The following IL18RAP variants were observed in gnomAD, a reference collection of about 807,000 sequenced individuals.
The protein encoded by IL18RAP is interleukin-18 receptor accessory protein.
IL18RAP carries 37 observed loss-of-function variants against 58.1 expected under a neutral mutation model. That is an observed-to-expected ratio of 0.64 (90% confidence interval 0.49 to 0.84). The LOEUF (loss-of-function observed/expected upper bound fraction) is 0.84, where lower values mean the gene tolerates loss of function less well. IL18RAP is among the 40% of genes least tolerant of loss of function. IL18RAP has a pLI of 0.00. For missense variants in IL18RAP, 667 were observed against 704.8 expected, an observed-to-expected ratio of 0.95 and a Z score of 0.61; for synonymous variants, 268 against 257.5, an observed-to-expected ratio of 1.04 and a Z score of -0.39.
At chr2:102,442,124 C>T (rs556329103) in intron 5 of IL18RAP, among the ~76,000 whole-genome samples, 1 of 152,258 alleles carries the variant, frequency 6.6e-6, no homozygotes, top group Admixed American at 6.5e-5. Context: ...AATTCTACAA[C>T]CCCTGCCCAA....
chr2:102,442,136 C>T (rs951804685), intron 5 of IL18RAP, among the ~76,000 whole-genome samples: 4 of 152,278 alleles, frequency 2.6e-5, no homozygotes, highest in Middle Eastern at 3.4e-3. Flanking sequence ...CCTGCCCAAA[C>T]AATTTGTATT....
Position 102,447,246 on chromosome 2 carries a change from C to T in IL18RAP, c.1210+39C>T, listed in dbSNP as rs773492503. On this transcript the variant is annotated intron_variant, in intron 8 of 9. Coordinates refer to ENST00000687160, the MANE Select transcript of IL18RAP (RefSeq NM_001393487.1). ...CACATGCAGCCCTCTGACTTTTCCT[C>T]TGGGAATTGACTTGGAGCAGGACAA... 8 of 1,598,444 alleles carry T rather than the reference C, an allele frequency of 5.0e-6. No homozygotes were observed. In the East Asian group the frequency reaches 6.8e-5, roughly 13 times the overall value.
At chr2:102,424,573 A>G (rs757046524) in intron 3 of IL18RAP, among the ~76,000 whole-genome samples, 159 bp downstream of exon 3, 3 of 152,238 alleles carry the variant, frequency 2.0e-5, no homozygotes, top group Non-Finnish European at 4.4e-5. Flanking sequence ...TAAAATAATC[A>G]TGTTCCCTGG....
At chr2:102,432,865 A>C (rs1042299044) in intron 3 of IL18RAP, among the ~76,000 whole-genome samples, 3 of 152,226 alleles carry the variant, frequency 2.0e-5, no homozygotes, top group African/African-American at 7.2e-5. Flanking sequence ...AACTTTTTCT[A>C]TATATTTTTC....
In IL18RAP at chr2:102,441,410, C is replaced by T. The variant is rs376138928; in HGVS notation, c.796+33C>T. The T allele has an allele frequency of 6.4e-6, 10 of 1,556,476 alleles. No homozygotes were observed. The African/African-American group carries it at 6.8e-5, about 11-fold the overall frequency. ...GGGCCTCATCGCCTTTGAATGACATCGTGCTGCTGGGAGCAGGTCTAAGTG... is the reference window on the plus strand; with the variant it reads ...GGGCCTCATCGCCTTTGAATGACATTGTGCTGCTGGGAGCAGGTCTAAGTG... On this transcript the variant is annotated intron_variant, in intron 5 of 9. Transcript: ENST00000687160.
At chr2:102,448,960 CAAAA>C (rs10566180) in intron 8 of IL18RAP, among the ~76,000 whole-genome samples, 4 of 67,230 alleles carry the variant, frequency 5.9e-5, no homozygotes, top group Non-Finnish European at 7.9e-5. Context: ...TACCCTATCT[CAAAA>C]AAAAAAAAAA....
rs529119185 is a variant in IL18RAP at position 102,426,316 on chromosome 2, C to T, written c.579+1902C>T. On this transcript the variant is annotated intron_variant, in intron 3 of 9. Coordinates refer to ENST00000687160, the MANE Select transcript of IL18RAP (RefSeq NM_001393487.1). ...CAAATAAAACTGCTGACCAGGGATACACCCACCAGATATACAGAGTATACA... is the reference window on the plus strand; with the variant it reads ...CAAATAAAACTGCTGACCAGGGATATACCCACCAGATATACAGAGTATACA... Among the ~76,000 whole-genome samples the T allele has an allele frequency of 2.0e-5, 3 of 152,252 alleles. No individual in the cohort carries two copies. In the East Asian group the frequency reaches 5.8e-4, roughly 29 times the overall value.
chr2:102,450,123 CTG>C, intron 8 of IL18RAP, among the ~76,000 whole-genome samples: 1 of 12,154 alleles, frequency 8.2e-5, no homozygotes, highest in South Asian at 2.2e-3. Flanking sequence ...ATTCCGAAGC[CTG>C]TGAGTTAAGT....
chr2:102,424,387 A>C lies in IL18RAP; in HGVS notation c.552A>C (p.Ala184=). ...SCPSLSCQSD[A]QSPAVTWYKN... is the part of the protein sequence containing the mutation. ...CCAGTCTCAGCTGCCAAAGTGATGC[A>C]CAAAGTCCAGCGGTAACCTGGTACA... Residue 184 remains alanine, a synonymous_variant, in exon 3 of 10, where the codon GCA becomes GCC. Coordinates refer to ENST00000687160, the MANE Select transcript of IL18RAP (RefSeq NM_001393487.1). 6.2e-7 allele frequency: 1 copy of C among 1,614,060 alleles called. No homozygotes were observed.
intron 6 of IL18RAP, among the ~76,000 whole-genome samples, chr2:102,443,905 A>G (rs745883071): frequency 7.2e-5 from 11 of 152,190 alleles, no homozygotes; most frequent in Non-Finnish European, 1.2e-4. Context: ...CAGAACCCGG[A>G]TCAGTGGTTT....
intron 8 of IL18RAP, among the ~76,000 whole-genome samples, chr2:102,448,886 C>T (rs772171959): frequency 6.7e-6 from 1 of 149,186 alleles, no homozygotes; most frequent in Non-Finnish European, 1.5e-5. Flanking sequence ...ACCTGAGCCC[C>T]GGAGGTCAAG....
chr2:102,427,608 C>A (rs1476575961), intron 3 of IL18RAP, among the ~76,000 whole-genome samples: 3 of 151,996 alleles, frequency 2.0e-5, no homozygotes, highest in Admixed American at 1.3e-4. Context: ...CTTATATATT[C>A]TTCACATTAA....
Position 102,424,230 on chromosome 2 carries a change from G to A in IL18RAP, c.396-1G>A. The A allele has an allele frequency of 6.2e-7, 1 of 1,613,308 alleles. No individual in the cohort carries two copies. Among genetic ancestry groups the A allele is most frequent in the Non-Finnish European group, 8.5e-7 (1 of 1,179,666 alleles). On this transcript the variant is annotated splice_acceptor_variant, in intron 2 of 9. Coordinates refer to ENST00000687160, the MANE Select transcript of IL18RAP (RefSeq NM_001393487.1). LOFTEE classifies it high-confidence loss of function. ...TTCACAGGATCTTGTTAATTTCCTAGGAGCCCCTATGATGTAGCCTGTTGT... is the reference window on the plus strand; with the variant it reads ...TTCACAGGATCTTGTTAATTTCCTAAGAGCCCCTATGATGTAGCCTGTTGT...
At chr2:102,428,889 G>A (rs951267116) in intron 3 of IL18RAP, among the ~76,000 whole-genome samples, 3 of 151,760 alleles carry the variant, frequency 2.0e-5, no homozygotes, top group Non-Finnish European at 3.0e-5. Flanking sequence ...ATACTTAATT[G>A]GTTGAGGGTT....
At chr2:102,424,624 T>C (rs1681816800) in intron 3 of IL18RAP, among the ~76,000 whole-genome samples, 1 of 152,128 alleles carries the variant, frequency 6.6e-6, no homozygotes, top group South Asian at 2.1e-4. Context: ...AGAGGCATCC[T>C]TTTGATCAAC....
chr2:102,447,652 G>A (rs149611693), intron 8 of IL18RAP, among the ~76,000 whole-genome samples: 1 of 152,146 alleles, frequency 6.6e-6, no homozygotes, highest in East Asian at 1.9e-4. Context: ...AATTGCAAAG[G>A]ATGCTGTGAG....
intron 6 of IL18RAP, among the ~76,000 whole-genome samples, chr2:102,443,935 T>G (rs770444848): frequency 3.3e-5 from 5 of 152,144 alleles, no homozygotes; most frequent in Admixed American, 6.5e-5. Context: ...GGTGAGATAT[T>G]TTGGCCAGTA....
chr2:102,437,803 T>C (rs1290577289), intron 4 of IL18RAP, among the ~76,000 whole-genome samples: 2 of 152,212 alleles, frequency 1.3e-5, no homozygotes, highest in African/African-American at 2.4e-5. Flanking sequence ...TCCCACAGTA[T>C]AGTAACATCT....
At chr2:102,445,911 C>T (rs1348619652) in intron 7 of IL18RAP, among the ~76,000 whole-genome samples, 1 of 151,916 alleles carries the variant, frequency 6.6e-6, no homozygotes. Context: ...TGATATCATT[C>T]ATTCCTTTAA....
Sources: allele counts gnomAD v4.1 joint callset (sites outside exome capture counted in the v4.1 genomes callset), GRCh38; gene constraint gnomAD v4.1.1; transcripts MANE v1.5; gene names NCBI Gene and HGNC (gene_info 2026-07-23, HGNC 2026-07-21).